Variants in ZZEF1 observed in about 807,000 individuals in gnomAD.
ZZEF1 encodes the protein zinc finger ZZ-type and EF-hand domain-containing protein 1.
A neutral mutation model predicts 342.8 loss-of-function variants in ZZEF1; 157 were observed. That is an observed-to-expected ratio of 0.46 (90% CI 0.40 to 0.52). ZZEF1 has a LOEUF of 0.52. ZZEF1 is among the 20% of genes least tolerant of loss of function. The pLI, the probability that ZZEF1 is intolerant of heterozygous loss-of-function variation, is 0.00. For synonymous variants in ZZEF1, 1,505 were observed against 1,429.1 expected (o/e 1.05, Z -1.20); for missense variants, 3,480 against 3,725.6 (o/e 0.93, Z 1.72).
chr17:4,014,474 TTTGA>T lies in ZZEF1; in HGVS notation c.8183_8186del (p.Ile2728AsnfsTer15). On this transcript the variant is annotated frameshift_variant, in exon 50 of 55. Transcript: ENST00000381638. LOFTEE classifies it high-confidence loss of function. The surrounding 1 kb of genome is among the most constrained non-coding windows in gnomAD (Gnocchi z 4.4). ...CCTCTGTGTTGCACTGAGAGTCGAA[TTTGA>T]TTGAGAGGTAGATGGCACCAGGAAT... 6.2e-7 allele frequency: 1 copy of T among 1,614,098 alleles called. No individual in the cohort carries two copies. Among genetic ancestry groups the T allele is most frequent in the Non-Finnish European group, 8.5e-7 (1 of 1,180,028 alleles).
At chr17:4,135,997 T>TC (rs1491211437) in intron 1 of ZZEF1, among the ~76,000 whole-genome samples, 59 of 27,742 alleles carry the variant, frequency 2.1e-3, no homozygotes, top group Non-Finnish European at 7.8e-3. Flanking sequence ...ATATTTTCTC[T>TC]TTTTTTTTTT....
intron 39 of ZZEF1, among the ~76,000 whole-genome samples, chr17:4,040,656 A>T (rs928184028): frequency 2.6e-5 from 4 of 152,200 alleles, no homozygotes; most frequent in Non-Finnish European, 4.4e-5. Flanking sequence ...TTCATGAATG[A>T]TTACAAAAAA....
At chr17:4,010,476 C>T (rs1010025349) in intron 52 of ZZEF1, among the ~76,000 whole-genome samples, 12 of 151,816 alleles carry the variant, frequency 7.9e-5, no homozygotes, top group African/African-American at 2.9e-4. Flanking sequence ...ATCCCAGCAC[C>T]TTGGGAGGCC....
intron 51 of ZZEF1, among the ~76,000 whole-genome samples, chr17:4,013,843 C>T (rs2056031161): frequency 6.6e-6 from 1 of 152,162 alleles, no homozygotes; most frequent in Non-Finnish European, 1.5e-5. Flanking sequence ...CTGGCAAATT[C>T]TAAGAGAATA....
intron 43 of ZZEF1, 60 bp downstream of exon 43, chr17:4,024,859 C>A: frequency 6.7e-7 from 1 of 1,484,942 alleles, no homozygotes; most frequent in African/African-American, 1.4e-5. Context: ...CCTAGTTAAT[C>A]CCCATGCAGA....
chr17:4,071,060 G>A, intron 25 of ZZEF1, 136 bp from the exon 26 acceptor site: 1 of 997,816 alleles, frequency 1.0e-6, no homozygotes, highest in Non-Finnish European at 1.4e-6. Flanking sequence ...ATTTTAGGAA[G>A]ACCAGACAGA....
chr17:4,034,260 G>C lies in ZZEF1; in HGVS notation c.6339C>G (p.His2113Gln), dbSNP rs139607519. 1 of 1,614,222 alleles carries C rather than the reference G, an allele frequency of 6.2e-7. No individual in the cohort carries two copies. The highest frequency in any genetic ancestry group is 8.5e-7 in the Non-Finnish European group (1 of 1,180,040). The change falls in exon 40 of 55, where the codon CAC (histidine) becomes CAG (glutamine). Residue 2113 changes from histidine (H) to glutamine (Q), a missense_variant. By Grantham distance (24) the His-to-Gln change is conservative (BLOSUM62 0). Transcript: ENST00000381638. Reference protein sequence around the residue: ...GPTVPLIDLEHVLPLMFQVVI... With the variant: ...GPTVPLIDLEQVLPLMFQVVI... ...CAACCTGAAACATGAGTGGAAGGAC[G>C]TGCTCCAGGTCTATCAGGGGAACCG...
intron 10 of ZZEF1, 151 bp downstream of exon 10, chr17:4,096,458 G>C (rs192912952): frequency 1.8e-5 from 12 of 661,624 alleles, no homozygotes; most frequent in Non-Finnish European, 2.1e-5. Flanking sequence ...GGGATGAATA[G>C]CTCATCCTCA....
intron 42 of ZZEF1, among the ~76,000 whole-genome samples, chr17:4,028,931 G>C (rs935684496): frequency 1.3e-5 from 2 of 152,174 alleles, no homozygotes; most frequent in African/African-American, 4.8e-5. Context: ...GAGGCTGTAC[G>C]AATATTAGAT....
At chr17:4,119,640 T>A (rs746384130) in intron 2 of ZZEF1, among the ~76,000 whole-genome samples, 6 of 152,180 alleles carry the variant, frequency 3.9e-5, no homozygotes, top group Non-Finnish European at 7.3e-5. Flanking sequence ...TGAGCTTGTG[T>A]CTGATTTTCC....
chr17:4,085,016 G>A (rs1277041024), intron 16 of ZZEF1, among the ~76,000 whole-genome samples: 2 of 152,204 alleles, frequency 1.3e-5, no homozygotes, highest in African/African-American at 2.4e-5. Context: ...GGAGGCTGAG[G>A]TGGGAGGATT....
chr17:4,117,644 A>G (rs1202943962), intron 2 of ZZEF1, among the ~76,000 whole-genome samples: 2 of 88,324 alleles, frequency 2.3e-5, no homozygotes, highest in African/African-American at 6.5e-5. Context: ...GTGAAACTCC[A>G]CCTCAAAAAA....
chr17:4,092,097 A>T (rs1208117937), intron 11 of ZZEF1, among the ~76,000 whole-genome samples: 3 of 141,540 alleles, frequency 2.1e-5, no homozygotes, highest in Non-Finnish European at 3.1e-5. Flanking sequence ...AAAATAATAA[A>T]AATAATATAA....
chr17:4,132,197 TTC>T (rs898162469), intron 1 of ZZEF1, among the ~76,000 whole-genome samples: 6 of 123,750 alleles, frequency 4.8e-5, no homozygotes, highest in Middle Eastern at 4.3e-3. Flanking sequence ...AGCCTAAATT[TTC>T]TCTTTTTTTT....
At chr17:4,007,600 T>C (rs920064028) in intron 54 of ZZEF1, among the ~76,000 whole-genome samples, 3 of 152,080 alleles carry the variant, frequency 2.0e-5, no homozygotes, top group Non-Finnish European at 4.4e-5. Flanking sequence ...TGCTGAGCTT[T>C]GGGGCCAGGA....
chr17:4,105,251 A>G (rs1278668269), intron 7 of ZZEF1, among the ~76,000 whole-genome samples: 1 of 152,200 alleles, frequency 6.6e-6, no homozygotes, highest in East Asian at 1.9e-4. Flanking sequence ...CCTCTAATGC[A>G]ATAATGTCCT....
rs775122605 is a variant in ZZEF1 at position 4,085,853 on chromosome 17, T to A, written c.2513-50A>T. 5 of 1,604,856 alleles carry A rather than the reference T, an allele frequency of 3.1e-6. No homozygotes were observed. The Admixed American group carries it at 8.4e-5, about 27-fold the overall frequency. ...GCTTTCATATATTCCATCTATTCGCTTATACATCTGCTATAACTAGCCTAT... is the reference window on the plus strand; with the variant it reads ...GCTTTCATATATTCCATCTATTCGCATATACATCTGCTATAACTAGCCTAT... On this transcript the variant is annotated intron_variant, in intron 15 of 54. Transcript: ENST00000381638.
intron 2 of ZZEF1, among the ~76,000 whole-genome samples, chr17:4,123,268 C>CTT (rs2058514832): frequency 1.2e-5 from 1 of 85,340 alleles, no homozygotes; most frequent in Non-Finnish European, 2.4e-5. Flanking sequence ...TTATCATAAC[C>CTT]ATATATATAT....
intron 31 of ZZEF1, among the ~76,000 whole-genome samples, chr17:4,058,655 G>C (rs1875546395): frequency 6.6e-6 from 1 of 152,162 alleles, no homozygotes; most frequent in South Asian, 2.1e-4. Flanking sequence ...CAGGCAGACT[G>C]CTTGAGCCCA....
Sources: allele counts gnomAD v4.1 joint callset (sites outside exome capture counted in the v4.1 genomes callset), GRCh38; gene constraint gnomAD v4.1.1; non-coding constraint Gnocchi (gnomAD v3.1); transcripts MANE v1.5; gene names NCBI Gene and HGNC (gene_info 2026-07-23, HGNC 2026-07-21).